Variants in BRI3BP observed in about 807,000 individuals in gnomAD.
BRI3BP encodes BRI3-binding protein.
Under a neutral mutation model 15.8 loss-of-function variants are expected in BRI3BP, and 7 were observed. That is an observed-to-expected ratio of 0.44 (90% CI 0.25 to 0.83). BRI3BP has a LOEUF of 0.83. Among genes scored for constraint, BRI3BP ranks in the 40% least tolerant of loss-of-function variants. The pLI, the probability that BRI3BP is intolerant of heterozygous loss-of-function variation, is 0.20. For synonymous variants in BRI3BP, 192 were observed against 163.5 expected, an observed-to-expected ratio of 1.17 and a Z score of -1.33; for missense variants, 320 against 339.3, an observed-to-expected ratio of 0.94 and a Z score of 0.45.
chr12:124,996,569 C>T (rs1955042625), intron 1 of BRI3BP, among the ~76,000 whole-genome samples: 1 of 152,048 alleles, frequency 6.6e-6, no homozygotes, highest in Non-Finnish European at 1.5e-5. Flanking sequence ...AAGTGATCTG[C>T]CGACCTCAGC....
the BRI3BP span, among the ~76,000 whole-genome samples, chr12:125,041,138 C>T: frequency 6.6e-6 from 1 of 152,042 alleles, no homozygotes; most frequent in Non-Finnish European, 1.5e-5. Flanking sequence ...CCCTGCCTCT[C>T]GGGTTCATGC....
chr12:125,033,958 G>A (rs1565909628), downstream of BRI3BP, among the ~76,000 whole-genome samples: 1 of 151,940 alleles, frequency 6.6e-6, no homozygotes, highest in Non-Finnish European at 1.5e-5. Context: ...TGGCCAGGCT[G>A]GTCTTGAACC....
chr12:125,044,391 G>A, the BRI3BP span, among the ~76,000 whole-genome samples: 1 of 150,386 alleles, frequency 6.6e-6, no homozygotes, highest in Non-Finnish European at 1.5e-5. Context: ...CTTCATGATC[G>A]GCCTGCCTCA....
chr12:125,010,754 C>T (rs1478634493), intron 1 of BRI3BP, among the ~76,000 whole-genome samples: 4 of 150,530 alleles, frequency 2.7e-5, no homozygotes, highest in African/African-American at 9.8e-5. Flanking sequence ...TCCAGCCTGG[C>T]GACAAAGCGA....
Position 125,000,239 on chromosome 12 carries a change from G to A in BRI3BP, c.213+6236G>A, listed in dbSNP as rs373902659. On this transcript the variant is annotated intron_variant, in intron 1 of 2. Transcript: ENST00000341446. ...TCAATAGACTGTGCGTATTTAAAGT[G>A]TACAGGTTGACACCTTTTGACATAC... Among the ~76,000 whole-genome samples, 22 of 149,288 alleles carry A rather than the reference G, an allele frequency of 1.5e-4. 3 individuals carry two copies. The highest frequency in any genetic ancestry group is 5.2e-4 in the African/African-American group (21 of 40,570).
intron 1 of BRI3BP, among the ~76,000 whole-genome samples, chr12:125,002,945 AT>A (rs1955108698): frequency 1.3e-5 from 2 of 152,132 alleles, no homozygotes; most frequent in South Asian, 4.2e-4. Flanking sequence ...TTGACGCTGA[AT>A]TTGATCTCTG....
intron 2 of BRI3BP, among the ~76,000 whole-genome samples, chr12:125,019,953 C>CTTTTTTTTTTTTTTTTTTTT (rs71092263): frequency 1.3e-5 from 1 of 75,088 alleles, no homozygotes; most frequent in Non-Finnish European, 2.4e-5. Context: ...CAACAACAGA[C>CTTTTTTTTTTTTTTTTTTTT]TTTTTTTTTT....
In BRI3BP at chr12:125,011,269, G is replaced by A. The variant is rs960057258; in HGVS notation, c.214-1265G>A. ...GGTCAGCCCTTACAAGGGAAGGGGC[G>A]TGTTTTACTCAGTTTTGCTCAGTTG... On this transcript the variant is annotated intron_variant, in intron 1 of 2. Coordinates refer to ENST00000341446, the MANE Select transcript of BRI3BP (RefSeq NM_080626.6). Among the ~76,000 whole-genome samples, 6 of 152,190 alleles carry A rather than the reference G, an allele frequency of 3.9e-5. No homozygotes were observed. In the South Asian group the frequency reaches 8.3e-4, roughly 21 times the overall value.
chr12:125,049,832 G>A, the BRI3BP span, among the ~76,000 whole-genome samples: 1 of 150,964 alleles, frequency 6.6e-6, no homozygotes, highest in African/African-American at 2.4e-5. Flanking sequence ...GTGTGTCCGG[G>A]ATCCCTCCGC....
At chr12:125,022,767 T>C (rs1362377763) in intron 2 of BRI3BP, among the ~76,000 whole-genome samples, 1 of 152,080 alleles carries the variant, frequency 6.6e-6, no homozygotes, top group Non-Finnish European at 1.5e-5. Context: ...TCTCAGGTGA[T>C]CCACCCACCT....
chr12:125,020,078 G>A (rs1032187812), intron 2 of BRI3BP, among the ~76,000 whole-genome samples: 20 of 151,120 alleles, frequency 1.3e-4, no homozygotes, highest in Admixed American at 1.3e-4. Context: ...TGAGTAGCTG[G>A]GATTACAGGC....
At chr12:125,002,063 T>C (rs921376708) in intron 1 of BRI3BP, among the ~76,000 whole-genome samples, 4 of 152,210 alleles carry the variant, frequency 2.6e-5, no homozygotes, top group Non-Finnish European at 5.9e-5. Context: ...TACTGCAGGA[T>C]CAATACTTTA....
At chr12:125,005,126 G>A (rs1377817798) in intron 1 of BRI3BP, among the ~76,000 whole-genome samples, 1 of 152,140 alleles carries the variant, frequency 6.6e-6, no homozygotes, top group Admixed American at 6.6e-5. Context: ...GGGATTACAG[G>A]TGTGAGCCAC....
chr12:125,009,939 T>C (rs1162780257), intron 1 of BRI3BP, among the ~76,000 whole-genome samples: 3 of 151,928 alleles, frequency 2.0e-5, no homozygotes, highest in African/African-American at 7.3e-5. Context: ...CCATCTCTAC[T>C]AAAAATACAA....
intron 1 of BRI3BP, among the ~76,000 whole-genome samples, chr12:124,994,833 G>A (rs1391078992): frequency 6.6e-6 from 1 of 152,204 alleles, no homozygotes; most frequent in East Asian, 1.9e-4. Context: ...CTTGCCGCCA[G>A]CCTTCCTGGG....
downstream of BRI3BP, among the ~76,000 whole-genome samples, chr12:125,035,058 G>C (rs937717073): frequency 2.0e-5 from 3 of 152,126 alleles, no homozygotes; most frequent in African/African-American, 7.2e-5. Flanking sequence ...CCATAGTATG[G>C]ATGTACCACA....
At chr12:125,041,983 C>T in the BRI3BP span, among the ~76,000 whole-genome samples, 159 of 152,332 alleles carry the variant, frequency 1.0e-3, no homozygotes, top group African/African-American at 3.7e-3. Context: ...CGTGAGCCAC[C>T]ACATCCGGCC....
At chr12:125,048,440 G>A in the BRI3BP span, among the ~76,000 whole-genome samples, 4 of 152,208 alleles carry the variant, frequency 2.6e-5, no homozygotes, top group South Asian at 6.2e-4. Flanking sequence ...GTTTAGGAGG[G>A]GTAATAAGAA....
chr12:125,012,389 TG>T, intron 1 of BRI3BP, 144 bp from the exon 2 acceptor site: 1 of 641,382 alleles, frequency 1.6e-6, no homozygotes. Flanking sequence ...GTCAATCCCC[TG>T]GGCCAGTAGT....
Sources: gnomAD v4.1 joint callset for allele counts (sites outside exome capture counted in the v4.1 genomes callset) on GRCh38, gnomAD v4.1.1 for gene constraint, MANE v1.5 for transcripts, NCBI Gene and HGNC (gene_info 2026-07-23, HGNC 2026-07-21) for gene names.